The following CFAP161 variants were observed in gnomAD, a reference collection of about 807,000 sequenced individuals.
CFAP161 encodes the protein cilia- and flagella-associated protein 161.
Under a neutral mutation model 29.0 loss-of-function variants are expected in CFAP161, and 25 were observed. That is an observed-to-expected ratio of 0.86 (90% CI 0.63 to 1.20). The LOEUF is 1.20. Among genes scored for constraint, CFAP161 ranks in the 50% most tolerant of loss-of-function variants. The pLI, the probability that CFAP161 is intolerant of heterozygous loss-of-function variation, is 0.00. For missense variants in CFAP161, 367 were observed against 371.9 expected (o/e 0.99, Z 0.11); for synonymous variants, 116 against 137.4 (o/e 0.84, Z 1.09).
At chr15:81,140,155 G>A (rs1415481719) in intron 4 of CFAP161, among the ~76,000 whole-genome samples, 1 of 151,820 alleles carries the variant, frequency 6.6e-6, no homozygotes, top group East Asian at 1.9e-4. Flanking sequence ...TGTCATATGT[G>A]TTGCTAATAT....
chr15:81,144,477 T>C (rs1489693384), intron 5 of CFAP161, among the ~76,000 whole-genome samples: 1 of 152,054 alleles, frequency 6.6e-6, no homozygotes, highest in East Asian at 1.9e-4. Flanking sequence ...ACACCTGTAA[T>C]CCAAGCTACT....
intron 3 of CFAP161, among the ~76,000 whole-genome samples, chr15:81,137,761 T>C (rs1894836830): frequency 6.6e-6 from 1 of 152,216 alleles, no homozygotes; most frequent in African/African-American, 2.4e-5. Context: ...TTGACCAGAA[T>C]TCCTTAGTAT....
rs144456995 is a variant in CFAP161 at position 81,128,956 on chromosome 15, G to GA, written c.-7+1246dup. ...ACAACACAGCAGGACTCTGTCTCGA[G>GA]AAAAAAAAAAAAAAGCATTTCTTAA... On this transcript the variant is annotated intron_variant, in intron 2 of 4. Transcript: ENST00000560091. Among the ~76,000 whole-genome samples the GA allele has an allele frequency of 6.5e-3, 891 of 137,658 alleles. 8 individuals are homozygous for GA. The highest frequency in any genetic ancestry group is 9.0e-3 in the African/African-American group (327 of 36,134). The allele number at this position is 137,658 out of a possible 152,430, so 90.3% of individuals were successfully genotyped here.
chr15:81,129,350 G>A (rs1894680285), upstream of CFAP161, among the ~76,000 whole-genome samples: 3 of 152,088 alleles, frequency 2.0e-5, no homozygotes, highest in Admixed American at 2.0e-4. Context: ...GGTGATTTAT[G>A]AAGAAAAAGA....
chr15:81,134,256 C>A (rs1319644320), upstream of CFAP161: 4 of 1,520,100 alleles, frequency 2.6e-6, no homozygotes, highest in African/African-American at 1.4e-5. Flanking sequence ...CGCCTGGGGC[C>A]GGGTCGTCAT....
chr15:81,138,235 A>G lies in CFAP161; in HGVS notation c.477+100A>G, dbSNP rs957203093. ...GAAGTGGACAGAGAACTCCAGAGTCATGGGCTCCACCTCTGACTTCACTAT... is the reference window on the plus strand; with the variant it reads ...GAAGTGGACAGAGAACTCCAGAGTCGTGGGCTCCACCTCTGACTTCACTAT... On this transcript the variant is annotated intron_variant, in intron 4 of 6. Transcript: ENST00000286732. 3.1e-6 allele frequency: 3 copies of G among 967,158 alleles called. No individual in the cohort carries two copies. The African/African-American group carries it at 4.8e-5, about 16-fold the overall frequency. The allele number at this position is 967,158 out of a possible 1,614,324, so 59.9% of individuals were successfully genotyped here.
At chr15:81,107,540 A>G (rs1050888897) in intron 1 of CFAP161, among the ~76,000 whole-genome samples, 3 of 152,180 alleles carry the variant, frequency 2.0e-5, no homozygotes, top group South Asian at 2.1e-4. Context: ...AGCCTGGCCA[A>G]CGTGGAGAAA....
intron 1 of CFAP161, among the ~76,000 whole-genome samples, chr15:81,108,007 C>T (rs1894394582): frequency 1.3e-5 from 2 of 151,852 alleles, no homozygotes; most frequent in East Asian, 1.9e-4. Flanking sequence ...TCCGTTTCCT[C>T]GTCTGTGAAA....
intron 1 of CFAP161, among the ~76,000 whole-genome samples, chr15:81,134,850 CGTT>C (rs374921962): frequency 2.1e-4 from 30 of 144,082 alleles, no homozygotes; most frequent in African/African-American, 7.7e-4. Context: ...CTTTTATTGA[CGTT>C]GTACTCACTC....
At chr15:81,123,582 A>C (rs937199977) in intron 1 of CFAP161, among the ~76,000 whole-genome samples, 2 of 152,138 alleles carry the variant, frequency 1.3e-5, no homozygotes, top group African/African-American at 4.8e-5. Flanking sequence ...GAAGAATGTC[A>C]ATGGTAGTTT....
Position 81,148,219 on chromosome 15 carries a change from C to G in CFAP161, c.711-119C>G. 1.9e-6 allele frequency: 2 copies of G among 1,038,378 alleles called. 1 individual carries two copies. The highest frequency in any genetic ancestry group is 3.3e-5 in the South Asian group (2 of 61,478). The allele number at this position is 1,038,378 out of a possible 1,614,324, so 64.3% of individuals were successfully genotyped here. ...GCAAACATGTCCCATTTTAGAGATT[C>G]CCTAGGGCTTTATCTAGCAATCCGC... On this transcript the variant is annotated intron_variant, in intron 6 of 6. Transcript: ENST00000286732.
At chr15:81,140,625 C>T (rs1243967482) in intron 4 of CFAP161, among the ~76,000 whole-genome samples, 1 of 151,844 alleles carries the variant, frequency 6.6e-6, no homozygotes, top group Non-Finnish European at 1.5e-5. Flanking sequence ...GTGTCACGAA[C>T]ATGGTTCACT....
intron 1 of CFAP161, among the ~76,000 whole-genome samples, chr15:81,125,411 A>C (rs1326454317): frequency 6.6e-6 from 1 of 152,188 alleles, no homozygotes; most frequent in Non-Finnish European, 1.5e-5. Flanking sequence ...AAATTACCCA[A>C]ACAGATAATT....
At chr15:81,130,962 C>G (rs1162620659), upstream of CFAP161, among the ~76,000 whole-genome samples, 1 of 151,848 alleles carries the variant, frequency 6.6e-6, no homozygotes, top group Non-Finnish European at 1.5e-5. Context: ...ACTACAATGG[C>G]AACATCAAAA....
At chr15:81,102,767 C>T (rs370295755) in intron 1 of CFAP161, among the ~76,000 whole-genome samples, 4 of 152,276 alleles carry the variant, frequency 2.6e-5, no homozygotes, top group African/African-American at 7.2e-5. Context: ...AAAGAGACAC[C>T]GGCTTAGCTT....
At chr15:81,129,866 G>C (rs190849140), upstream of CFAP161, among the ~76,000 whole-genome samples, 356 of 140,926 alleles carry the variant, frequency 2.5e-3, 4 homozygotes, top group Middle Eastern at 0.026. Context: ...CTAATGTAAG[G>C]CTTTTTTTGC....
chr15:81,114,967 A>T (rs933234618), intron 1 of CFAP161, among the ~76,000 whole-genome samples: 4 of 152,218 alleles, frequency 2.6e-5, no homozygotes, highest in African/African-American at 9.6e-5. Context: ...AATAAAAAAA[A>T]TGAGGATTGC....
chr15:81,118,725 C>G (rs1036438406), intron 1 of CFAP161, among the ~76,000 whole-genome samples: 1 of 152,240 alleles, frequency 6.6e-6, no homozygotes, highest in Admixed American at 6.5e-5. Flanking sequence ...GACCCGCCAG[C>G]GGAGCCCAGC....
chr15:81,100,256 C>CTTTTT, intron 1 of CFAP161, among the ~76,000 whole-genome samples: 1 of 145,978 alleles, frequency 6.9e-6, no homozygotes, highest in Non-Finnish European at 1.5e-5. Flanking sequence ...ATACTTATTT[C>CTTTTT]ATCTTAGTTC....
Sources: allele counts gnomAD v4.1 joint callset (sites outside exome capture counted in the v4.1 genomes callset), GRCh38; gene constraint gnomAD v4.1.1; transcripts MANE v1.5; gene names NCBI Gene and HGNC (gene_info 2026-07-23, HGNC 2026-07-21).